RYR2: variants seen among roughly 807,000 people sequenced by gnomAD.
The protein encoded by RYR2 is ryanodine receptor 2, also known as cardiac muscle ryanodine receptor-calcium release channel.
RYR2 carries 227 observed loss-of-function variants against 601.1 expected under a neutral mutation model. That is an observed-to-expected ratio of 0.38 (90% CI 0.34 to 0.42). RYR2 has a LOEUF of 0.42. RYR2 is among the 10% of genes least tolerant of loss of function. The pLI, the probability that RYR2 is intolerant of heterozygous loss-of-function variation, is 1.00. For missense variants in RYR2, 4,646 were observed against 6,156.5 expected, an observed-to-expected ratio of 0.75 and a Z score of 8.21; for synonymous variants, 2,223 against 2,175.1, an observed-to-expected ratio of 1.02 and a Z score of -0.61.
rs1426884889 is a variant in RYR2, at chr1:237,670,345, A to AC, written c.8590+2387_8590+2388insC. On this transcript the variant is annotated intron_variant, in intron 58 of 104. Coordinates refer to ENST00000366574, the MANE Select transcript of RYR2 (RefSeq NM_001035.3). ...AGGGAGAGGGAGAGGGAGACGGGAG[A>AC]GGGAGAGGGAGAGGGAGAAGATTCC... Among the ~76,000 whole-genome samples, 13 of 149,182 alleles carry AC rather than the reference A, an allele frequency of 8.7e-5. No homozygotes were observed. The South Asian group carries it at 2.1e-3, about 25-fold the overall frequency.
At chr1:237,799,339 T>C (rs918431442) in intron 97 of RYR2, among the ~76,000 whole-genome samples, 2 of 152,204 alleles carry the variant, frequency 1.3e-5, no homozygotes, top group African/African-American at 4.8e-5. Context: ...TTTCAGATCC[T>C]TAACAAGCAA....
intron 1 of RYR2, among the ~76,000 whole-genome samples, chr1:237,054,156 T>TTCTCTTTCCTCCCTCCCTCCTTCCC (rs1289441364): frequency 3.3e-5 from 5 of 151,750 alleles, no homozygotes; most frequent in Non-Finnish European, 7.4e-5. Flanking sequence ...AAGCCCTTCT[T>TTCTCTTTCCTCCCTCCCTCCTTCCC]TCTCCTTCCT....
chr1:237,158,413 T>C (rs1675633038), intron 1 of RYR2, among the ~76,000 whole-genome samples: 1 of 152,178 alleles, frequency 6.6e-6, no homozygotes, highest in Non-Finnish European at 1.5e-5. Context: ...TCTTAAAAAA[T>C]ATCGTGTTCA....
At chr1:237,648,112 A>G (rs1682361067) in intron 48 of RYR2, among the ~76,000 whole-genome samples, 1 of 152,160 alleles carries the variant, frequency 6.6e-6, no homozygotes, top group African/African-American at 2.4e-5. Flanking sequence ...TCCCCACTTC[A>G]CATTTTCACT....
intron 35 of RYR2, among the ~76,000 whole-genome samples, chr1:237,608,562 T>C (rs1048983332): frequency 6.6e-6 from 1 of 152,084 alleles, no homozygotes; most frequent in Non-Finnish European, 1.5e-5. Flanking sequence ...TTTAGGCAGA[T>C]GTGGTGGTGC....
intron 1 of RYR2, among the ~76,000 whole-genome samples, chr1:237,043,756 C>G (rs1362839453): frequency 6.6e-6 from 1 of 152,036 alleles, no homozygotes; most frequent in Non-Finnish European, 1.5e-5. Context: ...CAAAACAAAA[C>G]AAAACAAACA....
At chr1:237,461,053 G>T (rs1236399325) in intron 16 of RYR2, among the ~76,000 whole-genome samples, 2 of 152,174 alleles carry the variant, frequency 1.3e-5, no homozygotes, top group Admixed American at 1.3e-4. Flanking sequence ...ATATAGCAAA[G>T]AATGTTATGG....
chr1:237,699,020 T>A lies in RYR2; in HGVS notation c.9123T>A (p.Asp3041Glu). Residue 3041 changes from aspartate (D) to glutamate (E), a missense_variant, in exon 64 of 105, where the codon GAT becomes GAA. By Grantham distance (45) the Asp-to-Glu change is conservative. Transcript: ENST00000366574. ...NCLHILGQTL[D>E]ARTVMKTGLE... Reference sequence around the variant, plus strand: ...TTCATATTTTGGGTCAGACTTTGGATGCAAGGTAAATGGATACATTTTTAC... The same window carrying A: ...TTCATATTTTGGGTCAGACTTTGGAAGCAAGGTAAATGGATACATTTTTAC... 6.6e-7 allele frequency: 1 copy of A among 1,504,480 alleles called. No homozygotes were observed. The highest frequency in any genetic ancestry group is 9.1e-7 in the Non-Finnish European group (1 of 1,101,154). 93.2% of individuals were successfully genotyped at this position (1,504,480 alleles called of 1,614,324 possible). A position where few individuals can be genotyped will look rare whatever the true frequency, so the allele number is the denominator to read the frequency against.
chr1:237,105,099 G>A (rs991089596), intron 1 of RYR2, among the ~76,000 whole-genome samples: 1 of 152,186 alleles, frequency 6.6e-6, no homozygotes, highest in African/African-American at 2.4e-5. Flanking sequence ...ATGAGTCTCA[G>A]TGCCGGCAAA....
At chr1:237,272,151 A>G (rs766396865) in intron 2 of RYR2, among the ~76,000 whole-genome samples, 59 of 152,174 alleles carry the variant, frequency 3.9e-4, no homozygotes, top group Non-Finnish European at 7.6e-4. Flanking sequence ...AAAGAAAGAG[A>G]ACTAAGAGGA....
At chr1:237,448,206 C>T (rs1021204333) in intron 14 of RYR2, among the ~76,000 whole-genome samples, 5 of 152,090 alleles carry the variant, frequency 3.3e-5, no homozygotes, top group South Asian at 2.1e-4. Context: ...GGATTACAGG[C>T]GTGAGGCACC....
intron 87 of RYR2, among the ~76,000 whole-genome samples, chr1:237,776,639 TTCTCTC>T (rs3835527): frequency 3.3e-5 from 5 of 149,702 alleles, no homozygotes; most frequent in African/African-American, 4.9e-5. Context: ...CTGAAGGTTC[TTCTCTC>T]TCTCTCTCTC....
chr1:237,565,807 C>T (rs1672013600), intron 27 of RYR2, among the ~76,000 whole-genome samples: 1 of 152,188 alleles, frequency 6.6e-6, no homozygotes, highest in Non-Finnish European at 1.5e-5. Context: ...GTCGTTCTGG[C>T]TCTGGGTTCC....
At chr1:237,117,351 G>A (rs1670187715) in intron 1 of RYR2, among the ~76,000 whole-genome samples, 1 of 152,152 alleles carries the variant, frequency 6.6e-6, no homozygotes, top group African/African-American at 2.4e-5. Context: ...ATTTCTCTAG[G>A]TGGGGAGGTC....
chr1:237,066,253 G>A (rs776667416), intron 1 of RYR2, among the ~76,000 whole-genome samples: 4 of 152,136 alleles, frequency 2.6e-5, no homozygotes, highest in Non-Finnish European at 5.9e-5. Flanking sequence ...CATCTTGGTC[G>A]TTTTCAGTTT....
At chr1:237,328,177 A>G (rs1438520536) in intron 2 of RYR2, among the ~76,000 whole-genome samples, 2 of 152,226 alleles carry the variant, frequency 1.3e-5, no homozygotes, top group African/African-American at 4.8e-5. Flanking sequence ...GTTCACCAGC[A>G]CACCATTTGA....
intron 2 of RYR2, among the ~76,000 whole-genome samples, chr1:237,316,601 C>T (rs564052597): frequency 9.8e-5 from 15 of 152,312 alleles, no homozygotes; most frequent in Non-Finnish European, 1.5e-5. Flanking sequence ...CTGATGGCAG[C>T]ACCATCTGTG....
At chr1:237,170,437 C>T (rs1018221222) in intron 1 of RYR2, among the ~76,000 whole-genome samples, 1 of 152,158 alleles carries the variant, frequency 6.6e-6, no homozygotes, top group African/African-American at 2.4e-5. Context: ...GATGATAACA[C>T]TGAGAGCTGT....
At chr1:237,288,514 A>T (rs907797970) in intron 2 of RYR2, among the ~76,000 whole-genome samples, 4 of 150,944 alleles carry the variant, frequency 2.6e-5, no homozygotes, top group South Asian at 2.1e-4. Flanking sequence ...GGGGTGAGAT[A>T]CCTAGGTTAC....
Sources: allele counts gnomAD v4.1 joint callset (sites outside exome capture counted in the v4.1 genomes callset), GRCh38; gene constraint gnomAD v4.1.1; transcripts MANE v1.5; gene names NCBI Gene and HGNC (gene_info 2026-07-23, HGNC 2026-07-21).